Variants in FLI1 observed in about 807,000 individuals in gnomAD.
FLI1 encodes Friend leukemia integration 1 transcription factor.
A neutral mutation model predicts 53.1 loss-of-function variants in FLI1; 13 were observed. That is an observed-to-expected ratio of 0.24 (90% confidence interval 0.16 to 0.39). The LOEUF (loss-of-function observed/expected upper bound fraction) is 0.39, where lower values mean the gene tolerates loss of function less well. FLI1 is among the 10% of genes least tolerant of loss of function. The pLI is 1.00. For missense variants in FLI1, 424 were observed against 600.5 expected (o/e 0.71, Z 3.07); for synonymous variants, 244 against 236.7 (o/e 1.03, Z -0.28).
chr11:128,743,524 T>A (rs1365586475), intron 1 of FLI1, among the ~76,000 whole-genome samples: 2 of 151,744 alleles, frequency 1.3e-5, no homozygotes, highest in East Asian at 3.9e-4. Flanking sequence ...GTTTGGGACA[T>A]CTCAGGGCAT....
intron 1 of FLI1, among the ~76,000 whole-genome samples, chr11:128,687,975 T>C (rs1937608263): frequency 6.6e-6 from 1 of 152,144 alleles, no homozygotes; most frequent in Non-Finnish European, 1.5e-5. Context: ...TACTTTAAGG[T>C]TAGACTAAGG....
chr11:128,750,210 CA>C (rs1465660688), intron 1 of FLI1, among the ~76,000 whole-genome samples: 1 of 152,194 alleles, frequency 6.6e-6, no homozygotes, highest in African/African-American at 2.4e-5. Context: ...AGGGCAGCCA[CA>C]GGGAACTTGG....
intron 1 of FLI1, among the ~76,000 whole-genome samples, chr11:128,719,662 TG>T (rs1939174784): frequency 6.6e-6 from 1 of 152,214 alleles, no homozygotes; most frequent in Non-Finnish European, 1.5e-5. Context: ...CTCATGTTTC[TG>T]GGGCCTCATT....
chr11:128,745,436 A>G (rs1940338264), intron 1 of FLI1, among the ~76,000 whole-genome samples: 1 of 152,124 alleles, frequency 6.6e-6, no homozygotes, highest in Non-Finnish European at 1.5e-5. Context: ...ACAATATGGT[A>G]ACCATATGCC....
upstream of FLI1, chr11:128,693,246 C>A (rs45525840): frequency 0.067 from 10,248 of 152,306 alleles, 566 homozygotes; most frequent in East Asian, 0.28. Flanking sequence ...CGAGGCGCGC[C>A]GCCCCGAGGG....
chr11:128,791,587 CTT>C (rs1284446649), intron 5 of FLI1, among the ~76,000 whole-genome samples: 1 of 152,194 alleles, frequency 6.6e-6, no homozygotes, highest in Admixed American at 6.5e-5. Flanking sequence ...GGCAAAGTAC[CTT>C]AAACTGTTCC....
At chr11:128,706,893 T>C (rs992727022) in intron 1 of FLI1, among the ~76,000 whole-genome samples, 8 of 152,226 alleles carry the variant, frequency 5.3e-5, no homozygotes, top group Admixed American at 2.0e-4. Flanking sequence ...GTAGCTCTTC[T>C]GGCAAGAGGC....
intron 2 of FLI1, among the ~76,000 whole-genome samples, chr11:128,763,730 A>T (rs1241836907): frequency 6.6e-6 from 1 of 152,128 alleles, no homozygotes; most frequent in Non-Finnish European, 1.5e-5. Flanking sequence ...GCAGTATGAG[A>T]CATGTCACAC....
At position 128,737,912 on chromosome 11, in the gene FLI1, C is replaced by A. The variant is rs1022369546; in HGVS notation, c.19-20203C>A. On this transcript the variant is annotated intron_variant, in intron 1 of 8. Coordinates refer to ENST00000527786, the MANE Select transcript of FLI1 (RefSeq NM_002017.5). Reference sequence around the variant, plus strand: ...TTAATCAAAACCTGTGTGGAAATAGCCTGTTATCTCTATGGACTTAAATGG... The same window carrying A: ...TTAATCAAAACCTGTGTGGAAATAGACTGTTATCTCTATGGACTTAAATGG... Among the ~76,000 whole-genome samples, 4 of 152,248 alleles carry A rather than the reference C, an allele frequency of 2.6e-5. 1 individual carries two copies. Among genetic ancestry groups the A allele is most frequent in the Admixed American group, 2.6e-4 (4 of 15,294 alleles).
upstream of FLI1, chr11:128,686,132 T>G (rs1591717137): frequency 1.9e-5 from 6 of 322,758 alleles, no homozygotes; most frequent in South Asian, 4.7e-5. Context: ...AGAGAAAGGG[T>G]GGTGAGGAAG....
chr11:128,806,171 C>T (rs1044889851), intron 6 of FLI1: 5 of 152,048 alleles, frequency 3.3e-5, no homozygotes, highest in African/African-American at 1.2e-4. Context: ...ATAACCAAGA[C>T]CCCTTCCAAT....
chr11:128,809,315 C>A (rs1274065898), intron 8 of FLI1, 111 bp downstream of exon 8: 8 of 897,192 alleles, frequency 8.9e-6, no homozygotes, highest in Middle Eastern at 2.2e-4. Flanking sequence ...GTAACATGCA[C>A]GTCTTTCCTT....
At chr11:128,724,433 G>C (rs991845632) in intron 1 of FLI1, among the ~76,000 whole-genome samples, 1 of 152,210 alleles carries the variant, frequency 6.6e-6, no homozygotes. Flanking sequence ...CCAGGCTATA[G>C]GGAATTTGGG....
Position 128,695,383 on chromosome 11 carries a change from C to T in FLI1, c.18+1107C>T, listed in dbSNP as rs1190368581. Among the ~76,000 whole-genome samples the T allele has an allele frequency of 5.3e-5, 8 of 152,310 alleles. No individual in the cohort carries two copies. In the East Asian group the frequency reaches 1.5e-3, roughly 29 times the overall value. ...GGTTAGCTTCGAGGCTGCCGCGCAA[C>T]ACCAAGCGGGAGTCTGTCTGGAAAA... is the stretch of plus-strand genomic sequence containing the variant. On this transcript the variant is annotated intron_variant, in intron 1 of 8. Transcript: ENST00000527786.
Position 128,811,384 on chromosome 11 carries a change from A to C in FLI1, c.*396A>C. ...AGTATGACACAGAATCATGGACTTAACCCGTCATGTTCTGGTTTGAGATTT... is the reference window on the plus strand; with the variant it reads ...AGTATGACACAGAATCATGGACTTACCCCGTCATGTTCTGGTTTGAGATTT... On this transcript the variant is annotated 3_prime_UTR_variant, in exon 9 of 9. Transcript: ENST00000527786. The C allele has an allele frequency of 3.7e-6, 1 of 268,746 alleles. No homozygotes were observed. Among genetic ancestry groups the C allele is most frequent in the South Asian group, 9.8e-5 (1 of 10,154 alleles). The allele number at this position is 268,746 out of a possible 1,614,324, so 16.6% of individuals were successfully genotyped here.
chr11:128,688,964 T>C (rs1279187583), upstream of FLI1, among the ~76,000 whole-genome samples: 1 of 152,164 alleles, frequency 6.6e-6, no homozygotes, highest in Non-Finnish European at 1.5e-5. Flanking sequence ...GTTAATGTGA[T>C]GTGAGGGGCA....
intron 1 of FLI1, among the ~76,000 whole-genome samples, chr11:128,698,024 C>T (rs368619037): frequency 9.1e-5 from 7 of 76,768 alleles, no homozygotes; most frequent in African/African-American, 2.6e-4. Context: ...GGCACTCTCT[C>T]GTCATTAACT....
chr11:128,768,088 G>C, intron 2 of FLI1, 30 bp from the exon 3 acceptor site: 1 of 1,578,364 alleles, frequency 6.3e-7, no homozygotes, highest in Non-Finnish European at 8.6e-7. Flanking sequence ...AGTGCTGACC[G>C]CCTCTGGGCT....
At chr11:128,777,643 C>T (rs1159416256) in intron 4 of FLI1, among the ~76,000 whole-genome samples, 1 of 152,186 alleles carries the variant, frequency 6.6e-6, no homozygotes, top group African/African-American at 2.4e-5. Flanking sequence ...ACCCAGTAGT[C>T]AGCCAGGATT....
Sources: allele counts gnomAD v4.1 joint callset (sites outside exome capture counted in the v4.1 genomes callset), GRCh38; gene constraint gnomAD v4.1.1; transcripts MANE v1.5; gene names NCBI Gene and HGNC (gene_info 2026-07-23, HGNC 2026-07-21).